IL17D: variants seen among roughly 807,000 people sequenced by gnomAD.
IL17D encodes interleukin 17D, also known as interleukin-17D.
In IL17D, 10 loss-of-function variants were observed where a neutral mutation model predicts 5.7. The observed-to-expected ratio is 1.75, with a 90% CI of 1.08 to 2.97. The LOEUF is 2.97. Among genes scored for constraint, IL17D ranks in the 30% most tolerant of loss-of-function variants. The pLI is 0.00. For synonymous variants in IL17D, 172 were observed against 141.7 expected (o/e 1.21, Z -1.52); for missense variants, 354 against 292.7 (o/e 1.21, Z -1.53).
intron 1 of IL17D, among the ~76,000 whole-genome samples, chr13:20,710,423 G>A (rs1161603774): frequency 4.8e-5 from 6 of 126,002 alleles, no homozygotes; most frequent in Non-Finnish European, 8.0e-5. Flanking sequence ...AGACCAGCCT[G>A]AGCAACATGG....
intron 1 of IL17D, among the ~76,000 whole-genome samples, chr13:20,705,482 T>A (rs1172978411): frequency 6.6e-6 from 1 of 152,092 alleles, no homozygotes; most frequent in Non-Finnish European, 1.5e-5. Context: ...AGGATTTAAG[T>A]CCAGGAGTTC....
intron 1 of IL17D, among the ~76,000 whole-genome samples, chr13:20,718,318 C>T (rs1353470603): frequency 2.0e-5 from 3 of 152,142 alleles, no homozygotes; most frequent in African/African-American, 4.8e-5. Flanking sequence ...ATGCCGCGTG[C>T]GTGTGAGCAC....
intron 1 of IL17D, among the ~76,000 whole-genome samples, chr13:20,711,364 G>T (rs946804598): frequency 6.6e-6 from 1 of 152,086 alleles, no homozygotes; most frequent in Non-Finnish European, 1.5e-5. Context: ...GTCGTCCCAC[G>T]CTGGAAGGTG....
rs1463211836 is a variant in IL17D, at chr13:20,704,118, G to A, written c.117G>A (p.Leu39=). ...GCGCGGACCGGCCGGAGGAGCTACT[G>A]GAGCAGCTGTACGGGCGCCTGGCGG... ...RGCADRPEEL[L]EQLYGRLAAG... is the part of the protein sequence containing the mutation. Residue 39 remains leucine, a synonymous_variant, in exon 1 of 2, where the codon CTG becomes CTA. Coordinates refer to ENST00000682841, the MANE Select transcript of IL17D (RefSeq NM_001385224.1). The A allele has an allele frequency of 7.6e-7, 1 of 1,309,552 alleles. No homozygotes were observed. Among genetic ancestry groups the A allele is most frequent in the Non-Finnish European group, 9.8e-7 (1 of 1,018,058 alleles). 81.1% of individuals were successfully genotyped at this position (1,309,552 alleles called of 1,614,324 possible).
At chr13:20,713,098 C>T (rs1280310914) in intron 1 of IL17D, 1 of 152,068 alleles carries the variant, frequency 6.6e-6, no homozygotes, top group Non-Finnish European at 1.5e-5. Context: ...CACGCCTTCA[C>T]GGAGTCTCTG....
chr13:20,708,045 T>C (rs1206118207), intron 1 of IL17D, among the ~76,000 whole-genome samples: 1 of 152,216 alleles, frequency 6.6e-6, no homozygotes, highest in East Asian at 1.9e-4. Flanking sequence ...CTGGAGTAGC[T>C]GGGATTACAG....
intron 1 of IL17D, among the ~76,000 whole-genome samples, chr13:20,709,155 T>TTC (rs1232345094): frequency 6.6e-6 from 1 of 151,276 alleles, no homozygotes; most frequent in Admixed American, 6.6e-5. Flanking sequence ...TTTTTTTTTT[T>TTC]TTCCTGGCAC....
intron 1 of IL17D, among the ~76,000 whole-genome samples, chr13:20,718,205 C>T (rs976804454): frequency 2.0e-5 from 3 of 152,132 alleles, no homozygotes; most frequent in East Asian, 1.9e-4. Flanking sequence ...GCCCGGTGCC[C>T]TTCATGAGTT....
chr13:20,704,265 G>T lies in IL17D; in HGVS notation c.264G>T (p.Leu88=). The T allele has an allele frequency of 1.6e-6, 2 of 1,280,688 alleles. No individual in the cohort carries two copies. The highest frequency in any genetic ancestry group is 2.2e-5 in the South Asian group (1 of 46,276). The allele number at this position is 1,280,688 out of a possible 1,614,324, so 79.3% of individuals were successfully genotyped here. ...ADRRFRPPTN[L]RSVSPWAYRI... ...GCCGCTTCCGGCCGCCCACCAACCT[G>T]CGCAGCGTGTCGCCCTGGGCCTACA... The change falls in exon 1 of 2, where the codon CTG becomes CTT. Residue 88 remains leucine, a synonymous_variant. Transcript: ENST00000682841.
Position 20,703,957 on chromosome 13 carries a change from T to C in IL17D, c.-45T>C. The C allele has an allele frequency of 1.0e-6, 1 of 986,320 alleles. No homozygotes were observed. The highest frequency in any genetic ancestry group is 1.2e-6 in the Non-Finnish European group (1 of 829,402). 61.1% of individuals were successfully genotyped at this position (986,320 alleles called of 1,614,324 possible). On this transcript the variant is annotated 5_prime_UTR_variant, in exon 1 of 2. Transcript: ENST00000682841. The stretch of plus-strand genomic sequence containing the variant: ...CGGGCGCGGGGCGCAGGCGGGCTCC[T>C]CCGGCGCGTGCGGACGCTGAGCGTG...
chr13:20,704,993 G>A (rs1434156348), intron 1 of IL17D, among the ~76,000 whole-genome samples: 1 of 152,174 alleles, frequency 6.6e-6, no homozygotes, highest in African/African-American at 2.4e-5. Context: ...GAGTATTTTG[G>A]TCTTGGAACA....
chr13:20,712,035 A>T (rs1335298363), intron 1 of IL17D, among the ~76,000 whole-genome samples: 1 of 152,168 alleles, frequency 6.6e-6, no homozygotes, highest in Non-Finnish European at 1.5e-5. Context: ...GCTGTCCATT[A>T]ATTATTCCAC....
Position 20,716,226 on chromosome 13 carries a change from T to C in IL17D, c.291-5410T>C. ...CCAGAGGACGGCGGATGTCTTGGTATTACCATGGTTGTATAACGTCTTGAG... is the reference window on the plus strand; with the variant it reads ...CCAGAGGACGGCGGATGTCTTGGTACTACCATGGTTGTATAACGTCTTGAG... On this transcript the variant is annotated intron_variant, in intron 1 of 1. Transcript: ENST00000682841. This position sits in a 1 kb window ranked among gnomAD's most constrained non-coding sequence, Gnocchi z 4.2. 1 of 304,518 alleles carries C rather than the reference T, an allele frequency of 3.3e-6. No homozygotes were observed. Among genetic ancestry groups the C allele is most frequent in the Non-Finnish European group, 4.8e-6 (1 of 207,446 alleles). The allele number at this position is 304,518 out of a possible 1,614,324, so 18.9% of individuals were successfully genotyped here.
intron 1 of IL17D, chr13:20,717,076 G>A (rs1473370668): frequency 6.6e-6 from 1 of 152,204 alleles, no homozygotes; most frequent in Non-Finnish European, 1.5e-5. Flanking sequence ...TGTCTCTGCT[G>A]TCACTTACAT....
Position 20,718,967 on chromosome 13 carries a change from C to T in IL17D, c.291-2669C>T, listed in dbSNP as rs111164762. On this transcript the variant is annotated intron_variant, in intron 1 of 1. Coordinates refer to ENST00000682841, the MANE Select transcript of IL17D (RefSeq NM_001385224.1). ...ACACCTGCCTCCACACACCTGCCCA[C>T]GCTCAGACACACCTGCCCACTCACA... Among the ~76,000 whole-genome samples, 497 of 148,858 alleles carry T rather than the reference C, an allele frequency of 3.3e-3. 2 individuals carry two copies. The highest frequency in any genetic ancestry group is 0.011 in the African/African-American group (454 of 40,322).
At chr13:20,718,735 C>G (rs1341543397) in intron 1 of IL17D, among the ~76,000 whole-genome samples, 2 of 108,526 alleles carry the variant, frequency 1.8e-5, no homozygotes, top group African/African-American at 3.0e-5. Context: ...CACATGGCTA[C>G]GCTCACACAC....
At chr13:20,719,269 C>A (rs968314133) in intron 1 of IL17D, among the ~76,000 whole-genome samples, 1 of 146,552 alleles carries the variant, frequency 6.8e-6, no homozygotes, top group African/African-American at 2.5e-5. Context: ...CCACACACAC[C>A]CCCACACCTG....
In IL17D at chr13:20,721,751, G is replaced by A; in HGVS notation, c.406G>A (p.Val136Ile). Reference protein sequence around the residue: ...EEDVRFRSAPVYMPTVVLRRT... With the variant: ...EEDVRFRSAPIYMPTVVLRRT... ...GGACGTGCGCTTCCGCAGCGCCCCT[G>A]TCTACATGCCCACCGTCGTCCTGCG... is the stretch of plus-strand genomic sequence containing the variant. Residue 136 changes from valine (V) to isoleucine (I), a missense_variant, in exon 2 of 2, where the codon GTC becomes ATC. Physicochemically the swap from Val to Ile is conservative, Grantham distance 29. Transcript: ENST00000682841. The A allele has an allele frequency of 6.2e-7, 1 of 1,610,460 alleles. No homozygotes were observed. Among genetic ancestry groups the A allele is most frequent in the Non-Finnish European group, 8.5e-7 (1 of 1,179,738 alleles).
rs936533084 is a variant in IL17D at position 20,723,039 on chromosome 13, CA to C, written c.*1087del. 6.9e-4 allele frequency: 105 copies of C among 152,278 alleles called. No homozygotes were observed. The highest frequency in any genetic ancestry group is 2.3e-3 in the African/African-American group (97 of 41,538). The allele number at this position is 152,278 out of a possible 1,614,324, so 9.4% of individuals were successfully genotyped here. On this transcript the variant is annotated 3_prime_UTR_variant, in exon 2 of 2. Coordinates refer to ENST00000682841, the MANE Select transcript of IL17D (RefSeq NM_001385224.1). ...TAGATTGAAAGTCTGTCTCTGAACA[CA>C]ATTATTTGTAAAAGTTAGTAGTTCT...
Sources: gnomAD v4.1 joint callset for allele counts (sites outside exome capture counted in the v4.1 genomes callset) on GRCh38, gnomAD v4.1.1 for gene constraint, Gnocchi (gnomAD v3.1) non-coding constraint, MANE v1.5 for transcripts, NCBI Gene and HGNC (gene_info 2026-07-23, HGNC 2026-07-21) for gene names.